LYL1: variants seen among roughly 807,000 people sequenced by gnomAD.
LYL1 encodes LYL1 basic helix-loop-helix family member, also known as protein lyl-1.
Under a neutral mutation model 11.1 loss-of-function variants are expected in LYL1, and 4 were observed. That is an observed-to-expected ratio of 0.36 (90% confidence interval 0.18 to 0.82). LYL1 has a LOEUF of 0.82. Among genes scored for constraint, LYL1 ranks in the 40% least tolerant of loss-of-function variants. The pLI, the probability that LYL1 is intolerant of heterozygous loss-of-function variation, is 0.49. For synonymous variants in LYL1, 179 were observed against 174.8 expected, an observed-to-expected ratio of 1.02 and a Z score of -0.19; for missense variants, 356 against 397.6, an observed-to-expected ratio of 0.90 and a Z score of 0.89.
Position 13,099,880 on chromosome 19 carries a change from TC to T in LYL1, c.428-147del. ...CACCCAAGGGGTCCACGGGCAGCTCTCCCCACCCCTCCCAAGAGCCATCCAG... is the reference window on the plus strand; with the variant it reads ...CACCCAAGGGGTCCACGGGCAGCTCTCCCACCCCTCCCAAGAGCCATCCAG... On this transcript the variant is annotated intron_variant, in intron 3 of 3. Coordinates refer to ENST00000264824, the MANE Select transcript of LYL1 (RefSeq NM_005583.5). The surrounding 1 kb of genome is among the most constrained non-coding windows in gnomAD (Gnocchi z 5.3). 1.6e-6 allele frequency: 1 copy of T among 628,544 alleles called. No homozygotes were observed. Among genetic ancestry groups the T allele is most frequent in the Non-Finnish European group, 2.5e-6 (1 of 397,404 alleles). The allele number at this position is 628,544 out of a possible 1,614,324, so 38.9% of individuals were successfully genotyped here.
Position 13,099,420 on chromosome 19 carries a change from G to A in LYL1, c.742C>T (p.Arg248Cys), listed in dbSNP as rs1040866339. The A allele has an allele frequency of 5.6e-6, 7 of 1,243,210 alleles. No individual in the cohort carries two copies. In the African/African-American group the frequency reaches 9.3e-5, roughly 17 times the overall value. The allele number at this position is 1,243,210 out of a possible 1,614,324, so 77.0% of individuals were successfully genotyped here. Residue 248 changes from arginine (R) to cysteine (C), a missense_variant, in exon 4 of 4, where the codon CGC (arginine) becomes TGC (cysteine). Coordinates refer to ENST00000264824, the MANE Select transcript of LYL1 (RefSeq NM_005583.5). The surrounding 1 kb of genome is among the most constrained non-coding windows in gnomAD (Gnocchi z 5.3). ...GSGRRAEAAA[R>C]SQPAPPADPD... is the part of the protein sequence containing the mutation. ...TCGGCCGGGGGCGCGGGCTGCGAGCGCGCTGCCGCCTCGGCCCTGCGTCCG... is the reference window on the plus strand; with the variant it reads ...TCGGCCGGGGGCGCGGGCTGCGAGCACGCTGCCGCCTCGGCCCTGCGTCCG...
At position 13,101,191 on chromosome 19, in the gene LYL1, C is replaced by T. The variant is rs1338224591; in HGVS notation, c.-20G>A. ...GCACATGGACCCCGACGTGGGGGTA[C>T]TCACCTGTGGGAAAGAAGGCAGCCA... On this transcript the variant is annotated 5_prime_UTR_variant, in exon 2 of 4. Coordinates refer to ENST00000264824, the MANE Select transcript of LYL1 (RefSeq NM_005583.5). This position sits in a 1 kb window ranked among gnomAD's most constrained non-coding sequence, Gnocchi z 5.1. The T allele has an allele frequency of 7.2e-7, 1 of 1,393,822 alleles. No individual in the cohort carries two copies. The allele number at this position is 1,393,822 out of a possible 1,614,324, so 86.3% of individuals were successfully genotyped here. A position where few individuals can be genotyped will look rare whatever the true frequency, so the allele number is the denominator to read the frequency against.
Position 13,102,095 on chromosome 19 carries a change from C to T in LYL1, c.-25+436G>A, listed in dbSNP as rs2018694249. The T allele has an allele frequency of 4.7e-6, 1 of 213,930 alleles. No homozygotes were observed. Among genetic ancestry groups the T allele is most frequent in the Non-Finnish European group, 9.4e-6 (1 of 105,886 alleles). 13.3% of individuals were successfully genotyped at this position (213,930 alleles called of 1,614,324 possible). A position where few individuals can be genotyped will look rare whatever the true frequency, so the allele number is the denominator to read the frequency against. On this transcript the variant is annotated intron_variant, in intron 1 of 3. Transcript: ENST00000264824. This position sits in a 1 kb window ranked among gnomAD's most constrained non-coding sequence, Gnocchi z 4.9. Reference sequence around the variant, plus strand: ...CGAGCCATCCTCCTGTCTCAGCCTCCTGAGTAGCTGAGAGTACAGGCATGT... The same window carrying T: ...CGAGCCATCCTCCTGTCTCAGCCTCTTGAGTAGCTGAGAGTACAGGCATGT...
In LYL1 at chr19:13,099,387, C is replaced by G. The variant is rs1480041687; in HGVS notation, c.775G>C (p.Gly259Arg). The G allele has an allele frequency of 2.4e-6, 3 of 1,256,638 alleles. No homozygotes were observed. The highest frequency in any genetic ancestry group is 3.1e-5 in the East Asian group (1 of 32,742). The allele number at this position is 1,256,638 out of a possible 1,614,324, so 77.8% of individuals were successfully genotyped here. The change falls in exon 4 of 4, where the codon GGC (glycine) becomes CGC (arginine). Residue 259 changes from glycine to arginine, a missense_variant. Gly to Arg is a moderately radical substitution (Grantham distance 125). Transcript: ENST00000264824. This position sits in a 1 kb window ranked among gnomAD's most constrained non-coding sequence, Gnocchi z 5.3. Reference protein sequence around the residue: ...SQPAPPADPDGSPGGAARPIK... With the variant: ...SQPAPPADPDRSPGGAARPIK... Reference sequence around the variant, plus strand: ...GGCCGGGCCGCTCCACCGGGGCTGCCGTCGGGGTCGGCCGGGGGCGCGGGC... The same window carrying G: ...GGCCGGGCCGCTCCACCGGGGCTGCGGTCGGGGTCGGCCGGGGGCGCGGGC...
chr19:13,099,531 C>A lies in LYL1; in HGVS notation c.631G>T (p.Ala211Ser). The A allele has an allele frequency of 6.6e-7, 1 of 1,507,416 alleles. No individual in the cohort carries two copies. The highest frequency in any genetic ancestry group is 1.2e-5 in the South Asian group (1 of 80,010). The allele number at this position is 1,507,416 out of a possible 1,614,324, so 93.4% of individuals were successfully genotyped here. ...GGGGTGGGGCCTGCGGCCAGAGCTG[C>A]GGCTTGGTCGCGCAGCAGCCGCACC... The part of the protein sequence containing the change: ...FLVRLLRDQA[A>S]ALAAGPTPPG... Residue 211 changes from alanine (A) to serine (S), a missense_variant, in exon 4 of 4, where the codon GCA becomes TCA. Ala to Ser is a moderately conservative substitution (Grantham distance 99). Transcript: ENST00000264824. This position sits in a 1 kb window ranked among gnomAD's most constrained non-coding sequence, Gnocchi z 5.3.
intron 3 of LYL1, among the ~76,000 whole-genome samples, chr19:13,100,120 CTGTGTCCTGTGTCTTGTATGACTGTG>C (rs1190674335): frequency 6.6e-6 from 1 of 152,198 alleles, no homozygotes; most frequent in Non-Finnish European, 1.5e-5. Flanking sequence ...TTATGACTGT[CTGTGTCCTGTGTCTTGTATGACTGTG>C]TGAGACTCTT....
At chr19:13,100,590 CCTT>C in intron 3 of LYL1, 64 bp downstream of exon 3, 1 of 1,435,520 alleles carries the variant, frequency 7.0e-7, no homozygotes, top group South Asian at 1.1e-5. Context: ...GACGGCCAGG[CCTT>C]CTGTGCACCC....
Position 13,099,748 on chromosome 19 carries a change from G to T in LYL1, c.428-14C>A. ...GGGGCTGGTGCCCTGTGGACAAGGAGGGCCGGGTTGGTGCCATGGCCCAAA... is the reference window on the plus strand; with the variant it reads ...GGGGCTGGTGCCCTGTGGACAAGGATGGCCGGGTTGGTGCCATGGCCCAAA... On this transcript the variant is annotated splice_polypyrimidine_tract_variant and intron_variant, in intron 3 of 3. Coordinates refer to ENST00000264824, the MANE Select transcript of LYL1 (RefSeq NM_005583.5). This position sits in a 1 kb window ranked among gnomAD's most constrained non-coding sequence, Gnocchi z 5.3. 7.0e-7 allele frequency: 1 copy of T among 1,438,760 alleles called. No homozygotes were observed. The highest frequency in any genetic ancestry group is 9.2e-7 in the Non-Finnish European group (1 of 1,087,362). 89.1% of individuals were successfully genotyped at this position (1,438,760 alleles called of 1,614,324 possible).
In LYL1 at chr19:13,099,706, G is replaced by C; in HGVS notation, c.456C>G (p.Arg152=). The change falls in exon 4 of 4, where the codon CGC becomes CGG. Residue 152 remains arginine, a synonymous_variant. Coordinates refer to ENST00000264824, the MANE Select transcript of LYL1 (RefSeq NM_005583.5). The surrounding 1 kb of genome is among the most constrained non-coding windows in gnomAD (Gnocchi z 5.3). ...AGCGCTCCCGGCTGTTGGTGAACAC[G>C]CGCCGGGCCACCTTCTGGGGCTGGT... ...EGHQPQKVAR[R]VFTNSRERWR... 6.5e-7 allele frequency: 1 copy of C among 1,544,968 alleles called. No homozygotes were observed. The highest frequency in any genetic ancestry group is 8.7e-7 in the Non-Finnish European group (1 of 1,144,606).
chr19:13,099,096 C>A lies in LYL1; in HGVS notation c.*223G>T. The A allele has an allele frequency of 2.5e-6, 1 of 395,660 alleles. No individual in the cohort carries two copies. 24.5% of individuals were successfully genotyped at this position (395,660 alleles called of 1,614,324 possible). A position where few individuals can be genotyped will look rare whatever the true frequency, so the allele number is the denominator to read the frequency against. ...CCCCTGGGAAGGGGACCGGGCAAGG[C>A]CACTTCCAGAGGGTTGTGGGTGATT... On this transcript the variant is annotated 3_prime_UTR_variant, in exon 4 of 4. Coordinates refer to ENST00000264824, the MANE Select transcript of LYL1 (RefSeq NM_005583.5). The surrounding 1 kb of genome is among the most constrained non-coding windows in gnomAD (Gnocchi z 5.3).
At position 13,100,543 on chromosome 19, in the gene LYL1, G is replaced by A. The variant is rs183066929; in HGVS notation, c.427+114C>T. On this transcript the variant is annotated intron_variant, in intron 3 of 3. Transcript: ENST00000264824. Reference sequence around the variant, plus strand: ...GTGTGTGCTGGAAGCACGTCTCCCCGAGGTGGAGTAGAGGACAGACATGAG... The same window carrying A: ...GTGTGTGCTGGAAGCACGTCTCCCCAAGGTGGAGTAGAGGACAGACATGAG... The A allele has an allele frequency of 4.3e-4, 423 of 975,576 alleles. 1 individual carries two copies. In the African/African-American group the frequency reaches 6.1e-3, roughly 14 times the overall value. The allele number at this position is 975,576 out of a possible 1,614,324, so 60.4% of individuals were successfully genotyped here.
In LYL1 at chr19:13,100,949, T is replaced by C; in HGVS notation, c.223A>G (p.Met75Val). Residue 75 changes from methionine (M) to valine (V), a missense_variant, in exon 2 of 4, where the codon ATG (methionine) becomes GTG (valine). By Grantham distance (21) the Met-to-Val change is conservative. Coordinates refer to ENST00000264824, the MANE Select transcript of LYL1 (RefSeq NM_005583.5). ...AGAGTGCCCAGCTCTGTGGTGGGCA[T>C]GGCTACCCCTGGGGGCCTGCTGTGG... ...LGHSRPPGVAMPTTELGTLRP... is the reference protein window; with the variant it reads ...LGHSRPPGVAVPTTELGTLRP... The C allele has an allele frequency of 6.6e-7, 1 of 1,514,916 alleles. No homozygotes were observed. Among genetic ancestry groups the C allele is most frequent in the Non-Finnish European group, 8.9e-7 (1 of 1,129,056 alleles). 93.8% of individuals were successfully genotyped at this position (1,514,916 alleles called of 1,614,324 possible).
At position 13,100,739 on chromosome 19, in the gene LYL1, A is replaced by C. The variant is rs2018674863; in HGVS notation, c.345T>G (p.Ile115Met). The C allele has an allele frequency of 6.2e-7, 1 of 1,614,042 alleles. No homozygotes were observed. Among genetic ancestry groups the C allele is most frequent in the South Asian group, 1.1e-5 (1 of 91,096 alleles). Residue 115 changes from isoleucine (I) to methionine (M), a missense_variant, in exon 3 of 4, where the codon ATT becomes ATG. Coordinates refer to ENST00000264824, the MANE Select transcript of LYL1 (RefSeq NM_005583.5). ...HPHPFLNSVY[I>M]GPAGPFSIFP... ...AGATGCTAAAAGGTCCTGCTGGCCC[A>C]ATGTAGACACTGTAAGGGGTCGTGG...
Position 13,099,084 on chromosome 19 carries a change from G to T in LYL1, c.*235C>A, listed in dbSNP as rs748570315. ...TTGCCGACCTCGCCCCTGGGAAGGG[G>T]ACCGGGCAAGGCCACTTCCAGAGGG... On this transcript the variant is annotated 3_prime_UTR_variant, in exon 4 of 4. Coordinates refer to ENST00000264824, the MANE Select transcript of LYL1 (RefSeq NM_005583.5). This position sits in a 1 kb window ranked among gnomAD's most constrained non-coding sequence, Gnocchi z 5.3. 240 of 379,354 alleles carry T rather than the reference G, an allele frequency of 6.3e-4. No individual in the cohort carries two copies. Among genetic ancestry groups the T allele is most frequent in the Non-Finnish European group, 9.1e-4 (197 of 215,952 alleles). 23.5% of individuals were successfully genotyped at this position (379,354 alleles called of 1,614,324 possible).
Position 13,101,000 on chromosome 19 carries a change from G to T in LYL1, c.172C>A (p.Pro58Thr). 6.8e-7 allele frequency: 1 copy of T among 1,476,642 alleles called. No homozygotes were observed. The highest frequency in any genetic ancestry group is 9.0e-7 in the Non-Finnish European group (1 of 1,114,274). The allele number at this position is 1,476,642 out of a possible 1,614,324, so 91.5% of individuals were successfully genotyped here. The change falls in exon 2 of 4, where the codon CCT (proline) becomes ACT (threonine). Residue 58 changes from proline to threonine, a missense_variant. Coordinates refer to ENST00000264824, the MANE Select transcript of LYL1 (RefSeq NM_005583.5). ...CCCAGGCTGATCACTGGTACACCAGGTGGCAGCCTGGGGGGCGAGGAGCCT... is the reference window on the plus strand; with the variant it reads ...CCCAGGCTGATCACTGGTACACCAGTTGGCAGCCTGGGGGGCGAGGAGCCT... ...RGGSSPPRLP[P>T]GVPVISLGHS... is the part of the protein sequence containing the mutation.
rs374243329 is a variant in LYL1, at chr19:13,101,073, C to T, written c.99G>A (p.Lys33=). Residue 33 remains lysine, a synonymous_variant, in exon 2 of 4, where the codon AAG becomes AAA. Transcript: ENST00000264824. This position sits in a 1 kb window ranked among gnomAD's most constrained non-coding sequence, Gnocchi z 5.1. ...APSPAPAPPP[K]PASPGPPQVE... ...CCTGCGGGGGCCCAGGCGAGGCAGG[C>T]TTAGGGGGTGGGGCAGGCGCTGGGC... 7,350 of 1,490,858 alleles carry T rather than the reference C, an allele frequency of 4.9e-3. 25 individuals are homozygous for T. The highest frequency in any genetic ancestry group is 6.1e-3 in the Non-Finnish European group (6,826 of 1,121,538). The allele number at this position is 1,490,858 out of a possible 1,614,324, so 92.4% of individuals were successfully genotyped here.
In LYL1 at chr19:13,099,040, A is replaced by T. The variant is rs1349731151; in HGVS notation, c.*279T>A. On this transcript the variant is annotated 3_prime_UTR_variant, in exon 4 of 4. Transcript: ENST00000264824. The surrounding 1 kb of genome is among the most constrained non-coding windows in gnomAD (Gnocchi z 5.3). The stretch of plus-strand genomic sequence containing the variant: ...AATGAGGCACCACTTGGGTCCTATG[A>T]CTGCTCTGCCATGTTGCTTTGCCGA... 1 of 320,780 alleles carries T rather than the reference A, an allele frequency of 3.1e-6. No homozygotes were observed. 19.9% of individuals were successfully genotyped at this position (320,780 alleles called of 1,614,324 possible).
rs1259887090 is a variant in LYL1, at chr19:13,099,658, G to A, written c.504C>T (p.Gly168=). Residue 168 remains glycine, a synonymous_variant, in exon 4 of 4, where the codon GGC becomes GGT. Coordinates refer to ENST00000264824, the MANE Select transcript of LYL1 (RefSeq NM_005583.5). The surrounding 1 kb of genome is among the most constrained non-coding windows in gnomAD (Gnocchi z 5.3). ...RERWRQQNVN[G]AFAELRKLLP... ...GCAGCTTCCTCAGCTCGGCGAAGGC[G>A]CCGTTAACGTTCTGCTGCCGCCAGC... The A allele has an allele frequency of 1.3e-6, 2 of 1,552,924 alleles. No homozygotes were observed. The highest frequency in any genetic ancestry group is 1.7e-6 in the Non-Finnish European group (2 of 1,149,012).
chr19:13,099,696 T>C lies in LYL1; in HGVS notation c.466A>G (p.Asn156Asp). Residue 156 changes from asparagine (N) to aspartate (D), a missense_variant, in exon 4 of 4, where the codon AAC (asparagine) becomes GAC (aspartate). By Grantham distance (23) the Asn-to-Asp change is conservative. Transcript: ENST00000264824. The surrounding 1 kb of genome is among the most constrained non-coding windows in gnomAD (Gnocchi z 5.3). The part of the protein sequence containing the change: ...PQKVARRVFT[N>D]SRERWRQQNV... ...TGCTGCCGCCAGCGCTCCCGGCTGTTGGTGAACACGCGCCGGGCCACCTTC... is the reference window on the plus strand; with the variant it reads ...TGCTGCCGCCAGCGCTCCCGGCTGTCGGTGAACACGCGCCGGGCCACCTTC... 1 of 1,549,516 alleles carries C rather than the reference T, an allele frequency of 6.5e-7. No homozygotes were observed. The highest frequency in any genetic ancestry group is 8.7e-7 in the Non-Finnish European group (1 of 1,147,144).
Sources: gnomAD v4.1 joint callset for allele counts (sites outside exome capture counted in the v4.1 genomes callset) on GRCh38, gnomAD v4.1.1 for gene constraint, Gnocchi (gnomAD v3.1) non-coding constraint, MANE v1.5 for transcripts, NCBI Gene and HGNC (gene_info 2026-07-23, HGNC 2026-07-21) for gene names.